The following NDUFA9 variants were observed in gnomAD, a reference collection of about 807,000 sequenced individuals.
The protein encoded by NDUFA9 is NADH:ubiquinone oxidoreductase subunit A9.
NDUFA9 carries 23 observed loss-of-function variants against 45.9 expected under a neutral mutation model. The observed-to-expected ratio is 0.50, with a 90% CI of 0.36 to 0.71. The LOEUF (loss-of-function observed/expected upper bound fraction) is 0.71, where lower values mean the gene tolerates loss of function less well. NDUFA9 is among the 30% of genes least tolerant of loss of function. The pLI is 0.00. For missense variants in NDUFA9, 466 were observed against 488.2 expected (o/e 0.95, Z 0.43); for synonymous variants, 176 against 170.5 (o/e 1.03, Z -0.25).
At chr12:4,668,790 T>C in intron 7 of NDUFA9, 1 of 417,036 alleles carries the variant, frequency 2.4e-6, no homozygotes, top group South Asian at 3.1e-5. Context: ...ATTAACTAGA[T>C]AGACACAAAT....
In NDUFA9 at chr12:4,660,550, G is replaced by C. The variant is rs79277269; in HGVS notation, c.552+1373G>C. ...AGAGGATAAGATGGCTGAAGATTGA[G>C]AAGGTAGTTTCAGATTGGGCCCAGA... On this transcript the variant is annotated intron_variant, in intron 5 of 10. Transcript: ENST00000266544. Among the ~76,000 whole-genome samples, 529 of 152,262 alleles carry C rather than the reference G, an allele frequency of 3.5e-3. 2 individuals are homozygous for C. The highest frequency in any genetic ancestry group is 0.012 in the African/African-American group (509 of 41,554).
intron 10 of NDUFA9, among the ~76,000 whole-genome samples, 191 bp downstream of exon 10, chr12:4,685,516 C>T (rs569485902): frequency 9.9e-5 from 15 of 152,272 alleles, no homozygotes; most frequent in South Asian, 8.3e-4. Flanking sequence ...TACTTTCTGT[C>T]CGTCATTATC....
intron 6 of NDUFA9, among the ~76,000 whole-genome samples, chr12:4,664,773 A>G (rs1223203399): frequency 6.6e-6 from 1 of 152,224 alleles, no homozygotes; most frequent in Non-Finnish European, 1.5e-5. Context: ...CATCTAGGCA[A>G]AGAAGATTAT....
chr12:4,665,307 C>T (rs1045448634), intron 6 of NDUFA9, among the ~76,000 whole-genome samples: 2 of 152,154 alleles, frequency 1.3e-5, no homozygotes, highest in Non-Finnish European at 2.9e-5. Flanking sequence ...TGAATTTGAC[C>T]ACCTCATATA....
chr12:4,685,258 G>A lies in NDUFA9; in HGVS notation c.897-1G>A. On this transcript the variant is annotated splice_acceptor_variant, in intron 9 of 10. Coordinates refer to ENST00000266544, the MANE Select transcript of NDUFA9 (RefSeq NM_005002.5). LOFTEE classifies it high-confidence loss of function. ...TGTGCTATATGTATTTCTCTTTCCA[G>A]ATGGGTAGCAAGAGTCTTTGAAATA... 6.2e-7 allele frequency: 1 copy of A among 1,612,798 alleles called. No homozygotes were observed. Among genetic ancestry groups the A allele is most frequent in the Non-Finnish European group, 8.5e-7 (1 of 1,178,740 alleles).
chr12:4,658,062 C>T (rs946209645), intron 4 of NDUFA9, among the ~76,000 whole-genome samples: 5 of 152,126 alleles, frequency 3.3e-5, no homozygotes, highest in Non-Finnish European at 7.3e-5. Context: ...CATAAAAAGC[C>T]AGTAGGTGGT....
At chr12:4,675,818 G>C (rs1945916304) in intron 8 of NDUFA9, among the ~76,000 whole-genome samples, 1 of 152,186 alleles carries the variant, frequency 6.6e-6, no homozygotes, top group Non-Finnish European at 1.5e-5. Flanking sequence ...TATGAGGCCA[G>C]CATCATCCTA....
intron 6 of NDUFA9, 37 bp from the exon 7 acceptor site, chr12:4,668,420 G>T (rs779980094): frequency 1.3e-6 from 2 of 1,519,604 alleles, no homozygotes; most frequent in Admixed American, 3.3e-5. Flanking sequence ...AGCAATTTAA[G>T]CCTTCTCAGT....
intron 8 of NDUFA9, among the ~76,000 whole-genome samples, chr12:4,674,766 C>T (rs1273549246): frequency 2.0e-5 from 3 of 152,110 alleles, no homozygotes; most frequent in African/African-American, 7.2e-5. Context: ...ATCAACGAGA[C>T]AGAAAATTAA....
At chr12:4,650,741 T>C (rs971522454) in intron 1 of NDUFA9, among the ~76,000 whole-genome samples, 2 of 152,174 alleles carry the variant, frequency 1.3e-5, no homozygotes, top group African/African-American at 4.8e-5. Flanking sequence ...CAGTGGAGAA[T>C]TGTAGTGCTC....
intron 10 of NDUFA9, among the ~76,000 whole-genome samples, chr12:4,685,997 A>T (rs1945984281): frequency 6.6e-6 from 1 of 152,246 alleles, no homozygotes; most frequent in African/African-American, 2.4e-5. Flanking sequence ...GAAGATGAGA[A>T]AGTAGTGCTT....
intron 6 of NDUFA9, 92 bp from the exon 7 acceptor site, chr12:4,668,365 A>G (rs754616889): frequency 4.5e-5 from 47 of 1,035,228 alleles, no homozygotes; most frequent in East Asian, 1.9e-4. Context: ...TATTATTTCT[A>G]TTATGCACAA....
At position 4,693,976 on chromosome 12, in the gene NDUFA9, G is replaced by A. The variant is rs1188213517; in HGVS notation, c.*6868G>A. 6.6e-6 allele frequency: 1 copy of A among 152,196 alleles called. No homozygotes were observed. 9.4% of individuals were successfully genotyped at this position (152,196 alleles called of 1,614,324 possible). A position where few individuals can be genotyped will look rare whatever the true frequency, so the allele number is the denominator to read the frequency against. ...GCTAGACAGTCCATAAATAGGACTT[G>A]GAAATGGAAGTGTAGGGGGAGATCC... On this transcript the variant is annotated 3_prime_UTR_variant, in exon 11 of 11. Transcript: ENST00000266544.
intron 8 of NDUFA9, among the ~76,000 whole-genome samples, chr12:4,674,086 A>G (rs1945903913): frequency 6.6e-6 from 1 of 152,238 alleles, no homozygotes; most frequent in African/African-American, 2.4e-5. Context: ...TAAGTGAAGG[A>G]GAAATAAAAT....
chr12:4,656,886 T>G (rs1327785118), intron 3 of NDUFA9, among the ~76,000 whole-genome samples: 3 of 152,240 alleles, frequency 2.0e-5, no homozygotes, highest in Non-Finnish European at 4.4e-5. Flanking sequence ...TTTAACCCAC[T>G]TTCTATCATC....
intron 5 of NDUFA9, 85 bp downstream of exon 5, chr12:4,659,262 T>TA (rs1591543740): frequency 2.5e-6 from 3 of 1,217,918 alleles, no homozygotes; most frequent in East Asian, 4.7e-5. Context: ...GAGAAGGGTT[T>TA]ATCACAGACA....
At chr12:4,653,498 T>G (rs1270525609) in intron 1 of NDUFA9, 1 of 372,566 alleles carries the variant, frequency 2.7e-6, no homozygotes, top group Non-Finnish European at 5.1e-6. Context: ...AGAGAAGATG[T>G]AAGCATTGGT....
chr12:4,662,229 G>C (rs1162306975), intron 5 of NDUFA9, among the ~76,000 whole-genome samples: 2 of 152,148 alleles, frequency 1.3e-5, no homozygotes, highest in African/African-American at 4.8e-5. Flanking sequence ...CAGAGAATCT[G>C]TAAATAGAAG....
rs1182449831 is a variant in NDUFA9 at position 4,693,870 on chromosome 12, T to A, written c.*6762T>A. ...GATTATCTAGTTTCCCCTCGACATT[T>A]TATAACTGAATAAACAATAAAAAAC... On this transcript the variant is annotated 3_prime_UTR_variant, in exon 11 of 11. Coordinates refer to ENST00000266544, the MANE Select transcript of NDUFA9 (RefSeq NM_005002.5). The A allele has an allele frequency of 1.3e-5, 2 of 152,186 alleles. No homozygotes were observed. The highest frequency in any genetic ancestry group is 2.9e-5 in the Non-Finnish European group (2 of 68,038). 9.4% of individuals were successfully genotyped at this position (152,186 alleles called of 1,614,324 possible).
Sources: gnomAD v4.1 joint callset for allele counts (sites outside exome capture counted in the v4.1 genomes callset) on GRCh38, gnomAD v4.1.1 for gene constraint, MANE v1.5 for transcripts, NCBI Gene and HGNC (gene_info 2026-07-23, HGNC 2026-07-21) for gene names.